ANKMY1: variants seen among roughly 807,000 people sequenced by gnomAD.
The protein encoded by ANKMY1 is ankyrin repeat and MYND domain containing 1.
A neutral mutation model predicts 102.0 loss-of-function variants in ANKMY1; 98 were observed. That is an observed-to-expected ratio of 0.96 (90% CI 0.82 to 1.14). The LOEUF (loss-of-function observed/expected upper bound fraction) is 1.14. Among genes scored for constraint, ANKMY1 ranks in the 50% most tolerant of loss-of-function variants. The pLI is 0.00. For synonymous variants in ANKMY1, 582 were observed against 559.9 expected (o/e 1.04, Z -0.56); for missense variants, 1,330 against 1,347.6 (o/e 0.99, Z 0.20).
At chr2:240,485,701 C>G (rs1010311409) in intron 15 of ANKMY1, among the ~76,000 whole-genome samples, 66 of 152,066 alleles carry the variant, frequency 4.3e-4, no homozygotes, top group Non-Finnish European at 1.5e-4. Context: ...GTGATCCTCC[C>G]ACCTCAGCCT....
chr2:240,496,742 G>C (rs1304979536), intron 15 of ANKMY1, among the ~76,000 whole-genome samples: 1 of 152,162 alleles, frequency 6.6e-6, no homozygotes, highest in Non-Finnish European at 1.5e-5. Context: ...CTCCTGTTTA[G>C]TTCTGATAAT....
At chr2:240,519,931 T>C (rs1435184972) in intron 9 of ANKMY1, 4 of 279,650 alleles carry the variant, frequency 1.4e-5, no homozygotes, top group African/African-American at 9.1e-5. Flanking sequence ...CAGCTAAATA[T>C]TTTGCGGCTG....
intron 15 of ANKMY1, among the ~76,000 whole-genome samples, chr2:240,491,617 C>A (rs2076665434): frequency 6.6e-6 from 1 of 152,158 alleles, no homozygotes; most frequent in Non-Finnish European, 1.5e-5. Context: ...AATGAATTAC[C>A]TCACCATTTG....
intron 15 of ANKMY1, among the ~76,000 whole-genome samples, chr2:240,483,494 C>T (rs980617468): frequency 6.6e-6 from 1 of 152,200 alleles, no homozygotes; most frequent in Non-Finnish European, 1.5e-5. Context: ...CTGTAAACAG[C>T]ACATAGATGG....
intron 4 of ANKMY1, among the ~76,000 whole-genome samples, chr2:240,538,704 C>T (rs66592377): frequency 0.16 from 24,842 of 152,124 alleles, 2,181 homozygotes; most frequent in Middle Eastern, 0.3. Flanking sequence ...CCCTGGCGTG[C>T]GATCCACTAG....
At chr2:240,476,466 T>C (rs570617869), downstream of ANKMY1, among the ~76,000 whole-genome samples, 7 of 152,242 alleles carry the variant, frequency 4.6e-5, no homozygotes, top group African/African-American at 1.7e-4. Context: ...TTTTAGAACT[T>C]GACACACACT....
At chr2:240,486,371 T>C (rs1379205936) in intron 15 of ANKMY1, among the ~76,000 whole-genome samples, 1 of 152,236 alleles carries the variant, frequency 6.6e-6, no homozygotes, top group Admixed American at 6.5e-5. Context: ...ATTGCTTACA[T>C]ATAAATTATT....
chr2:240,509,128 G>A (rs1263098836), intron 12 of ANKMY1, among the ~76,000 whole-genome samples: 1 of 151,784 alleles, frequency 6.6e-6, no homozygotes, highest in African/African-American at 2.4e-5. Context: ...TGGATGGATG[G>A]AAGAATGGGT....
Position 240,529,476 on chromosome 2 carries a change from C to T in ANKMY1, c.514G>A (p.Gly172Ser), listed in dbSNP as rs1244536654. 1.2e-6 allele frequency: 2 copies of T among 1,613,658 alleles called. No homozygotes were observed. Among genetic ancestry groups the T allele is most frequent in the Non-Finnish European group, 1.7e-6 (2 of 1,179,910 alleles). The change falls in exon 5 of 18, where the codon GGT becomes AGT. Residue 172 changes from glycine to serine, a missense_variant. Coordinates refer to ENST00000401804, the MANE Select transcript of ANKMY1 (RefSeq NM_001282771.3). This position sits in a 1 kb window ranked among gnomAD's most constrained non-coding sequence, Gnocchi z 4.2. ...CTGCCATCGGGGTAGGTCTCGACAC[C>T]TGGCCCAAACCGCTGGTCCGCTTTG... ...LYKADQRFGP[G>S]VETYPDGSQD...
intron 16 of ANKMY1, 70 bp downstream of exon 16, chr2:240,482,111 GCC>G: frequency 6.6e-7 from 1 of 1,521,258 alleles, no homozygotes; most frequent in South Asian, 1.2e-5. Flanking sequence ...AGGTGGTCAG[GCC>G]AGGCACAACA....
intron 13 of ANKMY1, among the ~76,000 whole-genome samples, chr2:240,500,904 G>A (rs2078068147): frequency 6.6e-6 from 1 of 152,236 alleles, no homozygotes; most frequent in Non-Finnish European, 1.5e-5. Flanking sequence ...GGCTGTCAGT[G>A]ACATGAGGCA....
chr2:240,539,258 C>T (rs538230628), intron 4 of ANKMY1, among the ~76,000 whole-genome samples: 5 of 152,264 alleles, frequency 3.3e-5, no homozygotes, highest in East Asian at 3.9e-4. Context: ...CTGAGGCCAG[C>T]GAGACCACAA....
At chr2:240,555,205 G>T in intron 2 of ANKMY1, 150 bp from the exon 3 acceptor site, 1 of 790,944 alleles carries the variant, frequency 1.3e-6, no homozygotes, top group Non-Finnish European at 2.0e-6. Context: ...CACTTGGAGA[G>T]AAAACCGAGG....
At chr2:240,507,262 G>A (rs2079233256) in intron 13 of ANKMY1, among the ~76,000 whole-genome samples, 1 of 152,014 alleles carries the variant, frequency 6.6e-6, no homozygotes, top group Non-Finnish European at 1.5e-5. Flanking sequence ...GCCAGGCAGA[G>A]AAGTCCATGA....
rs1040266043 is a variant in ANKMY1, at chr2:240,509,692, C to G, written c.2287-237G>C. Reference sequence around the variant, plus strand: ...GAAGATATTTTCTAAGCATTCATCACTTCCAAATGAAAAGTAGGAGGACAT... The same window carrying G: ...GAAGATATTTTCTAAGCATTCATCAGTTCCAAATGAAAAGTAGGAGGACAT... On this transcript the variant is annotated intron_variant, in intron 11 of 17. Coordinates refer to ENST00000401804, the MANE Select transcript of ANKMY1 (RefSeq NM_001282771.3). Among the ~76,000 whole-genome samples the G allele has an allele frequency of 8.5e-5, 13 of 152,174 alleles. 1 individual carries two copies. The highest frequency in any genetic ancestry group is 8.5e-4 in the Admixed American group (13 of 15,286).
intron 9 of ANKMY1, among the ~76,000 whole-genome samples, chr2:240,513,363 A>G (rs2080605836): frequency 6.6e-6 from 1 of 152,194 alleles, no homozygotes; most frequent in Non-Finnish European, 1.5e-5. Context: ...GTCCCCAGCC[A>G]TCAGCTGACA....
At chr2:240,512,035 GGA>G (rs766400532) in intron 10 of ANKMY1, 34 bp from the exon 11 acceptor site, 2 of 1,505,810 alleles carry the variant, frequency 1.3e-6, no homozygotes, top group Non-Finnish European at 1.8e-6. Context: ...CAGCGCCCAC[GGA>G]CCTGCCGTGT....
At chr2:240,474,742 G>A (rs899125949), downstream of ANKMY1, among the ~76,000 whole-genome samples, 1 of 152,292 alleles carries the variant, frequency 6.6e-6, no homozygotes, top group South Asian at 2.1e-4. Flanking sequence ...TTCCTGCAAA[G>A]GACATGATCT....
At chr2:240,513,631 A>G (rs1233989823) in intron 9 of ANKMY1, among the ~76,000 whole-genome samples, 4 of 152,256 alleles carry the variant, frequency 2.6e-5, no homozygotes, top group Admixed American at 1.3e-4. Flanking sequence ...AGGACCAGCC[A>G]CAGGAACTTG....
Sources: allele counts gnomAD v4.1 joint callset (sites outside exome capture counted in the v4.1 genomes callset), GRCh38; gene constraint gnomAD v4.1.1; non-coding constraint Gnocchi (gnomAD v3.1); transcripts MANE v1.5; gene names NCBI Gene and HGNC (gene_info 2026-07-23, HGNC 2026-07-21).